Variants in MAML3 observed in about 807,000 individuals in gnomAD.
MAML3 encodes mastermind-like protein 3.
Under a neutral mutation model 101.9 loss-of-function variants are expected in MAML3, and 27 were observed. That is an observed-to-expected ratio of 0.27 (90% CI 0.20 to 0.37). The LOEUF (loss-of-function observed/expected upper bound fraction) is 0.37, where lower values mean the gene tolerates loss of function less well. Among genes scored for constraint, MAML3 ranks in the 10% least tolerant of loss-of-function variants. MAML3 has a pLI of 1.00. For missense variants in MAML3, 1,316 were observed against 1,444.9 expected (o/e 0.91, Z 1.45); for synonymous variants, 501 against 555.9 (o/e 0.90, Z 1.39).
intron 1 of MAML3, among the ~76,000 whole-genome samples, chr4:139,933,908 G>C (rs1279140317): frequency 6.6e-6 from 1 of 152,194 alleles, no homozygotes; most frequent in East Asian, 1.9e-4. Flanking sequence ...GTGTGTCTGA[G>C]TGCATGGGAT....
intron 1 of MAML3, among the ~76,000 whole-genome samples, chr4:139,964,978 T>C (rs1734098731): frequency 1.3e-5 from 2 of 152,192 alleles, no homozygotes; most frequent in African/African-American, 4.8e-5. Flanking sequence ...AATATAAAAT[T>C]AGGAAGAAAT....
intron 1 of MAML3, among the ~76,000 whole-genome samples, chr4:139,995,038 C>G (rs190931074): frequency 1.5e-4 from 23 of 152,066 alleles, no homozygotes; most frequent in Middle Eastern, 3.4e-3. Context: ...TATAGATGTC[C>G]TTTATCGGGA....
chr4:140,151,289 G>A (rs1323852567), intron 1 of MAML3, among the ~76,000 whole-genome samples: 2 of 152,094 alleles, frequency 1.3e-5, no homozygotes, highest in Non-Finnish European at 1.5e-5. Flanking sequence ...ACCTGGGAGG[G>A]GAGGGAGGAG....
chr4:140,023,174 T>C (rs1157224518), intron 1 of MAML3, among the ~76,000 whole-genome samples: 1 of 152,168 alleles, frequency 6.6e-6, no homozygotes, highest in Non-Finnish European at 1.5e-5. Flanking sequence ...TACTGAGAAC[T>C]CTGAACCAGG....
chr4:139,841,135 A>C (rs1475021857), intron 2 of MAML3, among the ~76,000 whole-genome samples: 1 of 152,250 alleles, frequency 6.6e-6, no homozygotes, highest in African/African-American at 2.4e-5. Flanking sequence ...ATACTCATAC[A>C]TAGGGAGGCA....
intron 1 of MAML3, among the ~76,000 whole-genome samples, chr4:139,963,549 T>C (rs1252614171): frequency 6.6e-6 from 1 of 152,234 alleles, no homozygotes; most frequent in Admixed American, 6.5e-5. Context: ...ACTCACTTTC[T>C]ATTTTCCTTG....
chr4:140,071,909 A>C (rs1727662754), intron 1 of MAML3, among the ~76,000 whole-genome samples: 1 of 152,138 alleles, frequency 6.6e-6, no homozygotes, highest in African/African-American at 2.4e-5. Context: ...GTGGGGTGCA[A>C]GAATGTCCTA....
intron 1 of MAML3, among the ~76,000 whole-genome samples, chr4:140,027,797 C>T (rs1455485243): frequency 6.6e-6 from 1 of 152,116 alleles, no homozygotes; most frequent in East Asian, 1.9e-4. Flanking sequence ...TTCATGAGAC[C>T]TGCTATCAAT....
chr4:139,992,858 A>G (rs1734706751), intron 1 of MAML3, among the ~76,000 whole-genome samples: 1 of 152,110 alleles, frequency 6.6e-6, no homozygotes. Flanking sequence ...CACCGAGCCT[A>G]TTTTGTGTCT....
At chr4:139,847,751 C>T (rs989016329) in intron 2 of MAML3, among the ~76,000 whole-genome samples, 2 of 152,210 alleles carry the variant, frequency 1.3e-5, no homozygotes, top group Admixed American at 1.3e-4. Flanking sequence ...GAATACACTG[C>T]TGCTTCTATT....
chr4:140,021,338 G>GA (rs574773546), intron 1 of MAML3, among the ~76,000 whole-genome samples: 3 of 152,198 alleles, frequency 2.0e-5, no homozygotes, highest in South Asian at 2.1e-4. Flanking sequence ...ACTAGGGCTG[G>GA]AAAAAAAGAA....
At chr4:139,830,656 C>T (rs951709478) in intron 2 of MAML3, among the ~76,000 whole-genome samples, 41 of 152,030 alleles carry the variant, frequency 2.7e-4, no homozygotes, top group African/African-American at 9.7e-4. Flanking sequence ...CCTCGTGATC[C>T]GCCCGCCTCG....
chr4:139,784,196 C>A (rs1317737351), intron 2 of MAML3, among the ~76,000 whole-genome samples: 4 of 152,228 alleles, frequency 2.6e-5, no homozygotes, highest in African/African-American at 9.6e-5. Context: ...GCCAGGCCCG[C>A]CTGATGCCGC....
At chr4:139,991,369 A>T (rs1734668370) in intron 1 of MAML3, among the ~76,000 whole-genome samples, 2 of 152,212 alleles carry the variant, frequency 1.3e-5, no homozygotes, top group Non-Finnish European at 2.9e-5. Flanking sequence ...CTGAAACTGG[A>T]TCCCTTCCTT....
At chr4:139,921,919 G>T (rs960449819) in intron 1 of MAML3, among the ~76,000 whole-genome samples, 2 of 152,214 alleles carry the variant, frequency 1.3e-5, no homozygotes, top group Non-Finnish European at 2.9e-5. Flanking sequence ...GGTATCAGCA[G>T]TTCAGTGTGG....
chr4:140,113,614 T>A (rs780248408), intron 1 of MAML3, among the ~76,000 whole-genome samples: 12 of 152,134 alleles, frequency 7.9e-5, no homozygotes, highest in Non-Finnish European at 1.5e-4. Flanking sequence ...ACTCCACCAA[T>A]ATCTTTCAAC....
intron 1 of MAML3, among the ~76,000 whole-genome samples, chr4:139,929,878 G>A (rs1364605396): frequency 6.6e-6 from 1 of 152,152 alleles, no homozygotes; most frequent in East Asian, 1.9e-4. Flanking sequence ...TCTTCTATTC[G>A]ATTGGGAAGG....
intron 1 of MAML3, among the ~76,000 whole-genome samples, chr4:140,038,192 G>A (rs1277488064): frequency 1.3e-5 from 2 of 150,282 alleles, no homozygotes; most frequent in African/African-American, 2.4e-5. Flanking sequence ...AGTGCTTTAC[G>A]CAAAAACATT....
chr4:139,940,232 GC>G (rs1733577692), intron 1 of MAML3, among the ~76,000 whole-genome samples: 1 of 152,038 alleles, frequency 6.6e-6, no homozygotes, highest in African/African-American at 2.4e-5. Flanking sequence ...CACCAATACT[GC>G]TTTGTGGTTG....
Sources: allele counts gnomAD v4.1 joint callset (sites outside exome capture counted in the v4.1 genomes callset), GRCh38; gene constraint gnomAD v4.1.1; transcripts MANE v1.5; gene names NCBI Gene and HGNC (gene_info 2026-07-23, HGNC 2026-07-21).